DLGAP2: variants seen among roughly 807,000 people sequenced by gnomAD.
The protein encoded by DLGAP2 is disks large-associated protein 2.
In DLGAP2, 26 loss-of-function variants were observed where a neutral mutation model predicts 100.3. That is an observed-to-expected ratio of 0.26 (90% CI 0.19 to 0.36). The LOEUF is 0.36. Among genes scored for constraint, DLGAP2 ranks in the 10% least tolerant of loss-of-function variants. The probability of loss-of-function intolerance (pLI) is 1.00; values close to 1 mark genes in which losing one functional copy is unlikely to be tolerated. For missense variants in DLGAP2, 1,858 were observed against 1,453.2 expected (o/e 1.28, Z -4.53); for synonymous variants, 886 against 630.1 (o/e 1.41, Z -6.08).
At chr8:794,902 G>C (rs961978257) in intron 1 of DLGAP2, among the ~76,000 whole-genome samples, 10 of 152,152 alleles carry the variant, frequency 6.6e-5, no homozygotes, top group African/African-American at 2.4e-4. Flanking sequence ...CGGGGTCCCT[G>C]GTGGCGTGAG....
intron 3 of DLGAP2, among the ~76,000 whole-genome samples, chr8:1,325,409 C>A (rs1039735468): frequency 6.6e-6 from 1 of 152,212 alleles, no homozygotes; most frequent in Non-Finnish European, 1.5e-5. Context: ...TGGGTGTGGT[C>A]CCCCGACCCT....
intron 1 of DLGAP2, among the ~76,000 whole-genome samples, chr8:758,305 C>A (rs1226165251): frequency 6.6e-6 from 1 of 152,200 alleles, no homozygotes; most frequent in Admixed American, 6.5e-5. Context: ...AACCTTGAAA[C>A]AATCATGAAG....
At chr8:979,643 C>T (rs547225113) in intron 2 of DLGAP2, among the ~76,000 whole-genome samples, 2 of 152,206 alleles carry the variant, frequency 1.3e-5, no homozygotes, top group Non-Finnish European at 2.9e-5. Context: ...GAGAACTGCC[C>T]TCTGAGCGTC....
At chr8:1,426,296 T>G (rs1797234979) in intron 3 of DLGAP2, among the ~76,000 whole-genome samples, 1 of 152,080 alleles carries the variant, frequency 6.6e-6, no homozygotes, top group African/African-American at 2.4e-5. Flanking sequence ...TTTGGAGACC[T>G]AAAATTGGGA....
intron 3 of DLGAP2, among the ~76,000 whole-genome samples, chr8:1,328,494 G>T (rs1354988001): frequency 1.3e-5 from 2 of 151,498 alleles, no homozygotes; most frequent in African/African-American, 4.9e-5. Context: ...GTGTTTTTTT[G>T]TTTTTTTGTT....
chr8:805,664 G>T (rs7014411), intron 1 of DLGAP2, among the ~76,000 whole-genome samples: 34,021 of 152,114 alleles, frequency 0.22, 4,717 homozygotes, highest in Admixed American at 0.42. Flanking sequence ...CTGGAGGGCA[G>T]TGGCACGATC....
chr8:1,275,575 C>A (rs1289697980), intron 3 of DLGAP2, among the ~76,000 whole-genome samples: 4 of 150,886 alleles, frequency 2.7e-5, no homozygotes, highest in African/African-American at 9.8e-5. Context: ...CCCAGATCTT[C>A]ACAAAGACAA....
intron 2 of DLGAP2, among the ~76,000 whole-genome samples, chr8:1,158,236 T>C (rs958739169): frequency 6.6e-6 from 1 of 152,264 alleles, no homozygotes; most frequent in African/African-American, 2.4e-5. Context: ...TATAACTTTT[T>C]GAATTAAAAT....
At chr8:1,384,554 G>A (rs867440702) in intron 3 of DLGAP2, among the ~76,000 whole-genome samples, 147 of 95,116 alleles carry the variant, frequency 1.5e-3, no homozygotes, top group African/African-American at 2.8e-3. Flanking sequence ...GCCTGTGCCC[G>A]GCCCCTGAGA....
Position 1,705,695 on chromosome 8 carries a change from C to G in DLGAP2, c.*4289C>G, listed in dbSNP as rs1799688251. The G allele has an allele frequency of 6.6e-6, 1 of 152,188 alleles. No individual in the cohort carries two copies. Among genetic ancestry groups the G allele is most frequent in the Non-Finnish European group, 1.5e-5 (1 of 68,030 alleles). The allele number at this position is 152,188 out of a possible 1,614,324, so 9.4% of individuals were successfully genotyped here. On this transcript the variant is annotated 3_prime_UTR_variant, in exon 15 of 15. Transcript: ENST00000637795. ...TCCTGCCTGCTCATTTCCCAGCCCTCTTCTTCTCAAGCCTGAACTTCATTT... is the reference window on the plus strand; with the variant it reads ...TCCTGCCTGCTCATTTCCCAGCCCTGTTCTTCTCAAGCCTGAACTTCATTT...
At chr8:841,791 T>TA (rs1317017970) in intron 1 of DLGAP2, among the ~76,000 whole-genome samples, 4 of 152,346 alleles carry the variant, frequency 2.6e-5, no homozygotes, top group Non-Finnish European at 5.9e-5. Context: ...TTAATACTGA[T>TA]ACTTCCAATT....
intron 1 of DLGAP2, among the ~76,000 whole-genome samples, chr8:768,236 G>A (rs1325004419): frequency 6.6e-6 from 1 of 152,100 alleles, no homozygotes; most frequent in Non-Finnish European, 1.5e-5. Context: ...ACAGGCATGT[G>A]GTAGCTGAGC....
chr8:1,058,192 G>A (rs937043427), intron 2 of DLGAP2, among the ~76,000 whole-genome samples: 14 of 152,146 alleles, frequency 9.2e-5, no homozygotes, highest in African/African-American at 3.4e-4. Context: ...GACTAGCGGC[G>A]GGTCTGGGGG....
chr8:854,948 C>T (rs985115083), intron 1 of DLGAP2, among the ~76,000 whole-genome samples: 10 of 152,128 alleles, frequency 6.6e-5, no homozygotes, highest in Admixed American at 4.6e-4. Flanking sequence ...TGGCAGCAAC[C>T]GAGGAGCGGT....
chr8:1,652,282 A>G (rs1798185160), intron 8 of DLGAP2, among the ~76,000 whole-genome samples: 1 of 152,040 alleles, frequency 6.6e-6, no homozygotes, highest in Non-Finnish European at 1.5e-5. Context: ...TCATCCTGTT[A>G]TGTATATTTT....
chr8:1,214,147 C>A (rs1045046515), intron 2 of DLGAP2, among the ~76,000 whole-genome samples: 1 of 152,208 alleles, frequency 6.6e-6, no homozygotes, highest in Non-Finnish European at 1.5e-5. Flanking sequence ...CCCTTCCCTC[C>A]ACACCTCATT....
At chr8:1,166,583 G>A (rs553352923) in intron 2 of DLGAP2, among the ~76,000 whole-genome samples, 1 of 152,226 alleles carries the variant, frequency 6.6e-6, no homozygotes, top group South Asian at 2.1e-4. Flanking sequence ...GCAGGTTAAT[G>A]GTGTTTATTT....
chr8:1,371,163 G>C (rs117076071), intron 3 of DLGAP2, among the ~76,000 whole-genome samples: 1 of 152,222 alleles, frequency 6.6e-6, no homozygotes, highest in Non-Finnish European at 1.5e-5. Flanking sequence ...AGTAAGACAC[G>C]TCTTTCTTTT....
intron 5 of DLGAP2, among the ~76,000 whole-genome samples, chr8:1,559,747 C>T (rs1424515185): frequency 6.6e-6 from 1 of 152,270 alleles, no homozygotes; most frequent in Non-Finnish European, 1.5e-5. Flanking sequence ...CAGCCAGCCT[C>T]AGCCTCCCTT....
Sources: allele counts gnomAD v4.1 joint callset (sites outside exome capture counted in the v4.1 genomes callset), GRCh38; gene constraint gnomAD v4.1.1; transcripts MANE v1.5; gene names NCBI Gene and HGNC (gene_info 2026-07-23, HGNC 2026-07-21).